The following INPP1 variants were observed in gnomAD, a reference collection of about 807,000 sequenced individuals.
The protein encoded by INPP1 is inositol polyphosphate 1-phosphatase.
A neutral mutation model predicts 23.0 loss-of-function variants in INPP1; 18 were observed. The ratio of observed to expected loss-of-function variants is 0.78; its 90% CI spans 0.54 to 1.16. The LOEUF (loss-of-function observed/expected upper bound fraction) is 1.16. Ranked by LOEUF, INPP1 falls within the 50% of genes most tolerant of loss-of-function variation. The pLI is 0.00. For missense variants in INPP1, 448 were observed against 482.1 expected, an observed-to-expected ratio of 0.93 and a Z score of 0.66; for synonymous variants, 164 against 176.3, an observed-to-expected ratio of 0.93 and a Z score of 0.55.
intron 2 of INPP1, 62 bp from the exon 3 acceptor site, chr2:190,359,977 C>T: frequency 1.1e-6 from 1 of 910,934 alleles, no homozygotes. Context: ...TTAGTAGTGC[C>T]AGAGGCACCC....
intron 2 of INPP1, among the ~76,000 whole-genome samples, chr2:190,358,366 T>C (rs1400106138): frequency 1.3e-5 from 2 of 152,016 alleles, no homozygotes; most frequent in Non-Finnish European, 2.9e-5. Context: ...CATGAGCCAC[T>C]GCGCCCAGTC....
intron 6 of INPP1, among the ~76,000 whole-genome samples, chr2:190,370,180 A>G (rs1187345395): frequency 2.0e-5 from 3 of 152,236 alleles, no homozygotes; most frequent in Non-Finnish European, 4.4e-5. Flanking sequence ...ACAGATTCAG[A>G]GTGAGACTTT....
At chr2:190,358,299 A>G (rs887728207) in intron 2 of INPP1, among the ~76,000 whole-genome samples, 1 of 150,980 alleles carries the variant, frequency 6.6e-6, no homozygotes, top group East Asian at 1.9e-4. Context: ...CTGGTTTTGA[A>G]CTCCTGACCT....
At position 190,354,877 on chromosome 2, in the gene INPP1, C is replaced by G. The variant is rs1689390022; in HGVS notation, c.-64-5162C>G. 6.7e-6 allele frequency among the ~76,000 whole-genome samples: 1 copy of G among 150,130 alleles called. No individual in the cohort carries two copies. The highest frequency in any genetic ancestry group is 1.5e-5 in the Non-Finnish European group (1 of 67,822). ...GTTTTTCTGAGAGTAAAAGGGAAGT[C>G]AAATAGTGACGTATAATGATCAAAC... is the stretch of plus-strand genomic sequence containing the variant. On this transcript the variant is annotated intron_variant, in intron 2 of 6. Coordinates refer to ENST00000392329, the MANE Select transcript of INPP1 (RefSeq NM_001128928.2). This position sits in a 1 kb window ranked among gnomAD's most constrained non-coding sequence, Gnocchi z 4.8.
intron 4 of INPP1, among the ~76,000 whole-genome samples, chr2:190,365,378 A>C (rs1361249285): frequency 1.3e-5 from 2 of 152,268 alleles, no homozygotes; most frequent in African/African-American, 4.8e-5. Flanking sequence ...AGTTAAAAGC[A>C]ATATCATATA....
rs765641528 is a variant in INPP1 at position 190,360,164 on chromosome 2, C to A, written c.62C>A (p.Ala21Glu). The A allele has an allele frequency of 1.9e-6, 3 of 1,613,856 alleles. No homozygotes were observed. In the African/African-American group the frequency reaches 4.0e-5, roughly 22 times the overall value. Residue 21 changes from alanine (A) to glutamate (E), a missense_variant, in exon 3 of 7, where the codon GCG (alanine) becomes GAG (glutamate). Transcript: ENST00000392329. ...GAGAAGGCTGCTAACATTGCCCGGG[C>A]GTGCAGACAGCAGGAAGCCCTCTTC... is the stretch of plus-strand genomic sequence containing the variant. ...VSEKAANIARACRQQEALFQL... is the reference protein window; with the variant it reads ...VSEKAANIARECRQQEALFQL...
Position 190,354,971 on chromosome 2 carries a change from A to G in INPP1, c.-64-5068A>G, listed in dbSNP as rs1179311165. On this transcript the variant is annotated intron_variant, in intron 2 of 6. Coordinates refer to ENST00000392329, the MANE Select transcript of INPP1 (RefSeq NM_001128928.2). The surrounding 1 kb of genome is among the most constrained non-coding windows in gnomAD (Gnocchi z 4.8). Reference sequence around the variant, plus strand: ...GCATTTTTTTTTTTTTTGCTATATAATGTACCTTATAATACTAATGTACTT... The same window carrying G: ...GCATTTTTTTTTTTTTTGCTATATAGTGTACCTTATAATACTAATGTACTT... Among the ~76,000 whole-genome samples, 2 of 136,030 alleles carry G rather than the reference A, an allele frequency of 1.5e-5. No individual in the cohort carries two copies. The highest frequency in any genetic ancestry group is 6.7e-5 in the African/African-American group (2 of 29,734). 89.2% of individuals were successfully genotyped at this position (136,030 alleles called of 152,430 possible).
At chr2:190,362,090 C>G (rs1198761056) in intron 3 of INPP1, among the ~76,000 whole-genome samples, 2 of 152,132 alleles carry the variant, frequency 1.3e-5, no homozygotes, top group Admixed American at 1.3e-4. Context: ...AAATCTTTCT[C>G]TTTTTTCATA....
chr2:190,366,326 ACT>A (rs1457751997), intron 4 of INPP1, among the ~76,000 whole-genome samples: 14 of 61,194 alleles, frequency 2.3e-4, no homozygotes, highest in African/African-American at 9.4e-4. Context: ...TCTCTGTCTC[ACT>A]CTCTCGCTCT....
At chr2:190,353,739 C>G (rs973805367) in intron 2 of INPP1, among the ~76,000 whole-genome samples, 4 of 152,296 alleles carry the variant, frequency 2.6e-5, no homozygotes, top group Non-Finnish European at 4.4e-5. Context: ...GTTTTGAACC[C>G]AGGCCTTTCT....
rs62182002 is a variant in INPP1 at position 190,352,116 on chromosome 2, A to C, written c.-65+3085A>C. The stretch of plus-strand genomic sequence containing the variant: ...GGATATCCTCCTGTATGAAGTGCCT[A>C]TTCAAGCTTCTTGCCCTTGAACTGA... On this transcript the variant is annotated intron_variant, in intron 2 of 6. Coordinates refer to ENST00000392329, the MANE Select transcript of INPP1 (RefSeq NM_001128928.2). The surrounding 1 kb of genome is among the most constrained non-coding windows in gnomAD (Gnocchi z 4.7). Among the ~76,000 whole-genome samples the C allele has an allele frequency of 3.3e-5, 5 of 152,278 alleles. No individual in the cohort carries two copies. Among genetic ancestry groups the C allele is most frequent in the African/African-American group, 1.2e-4 (5 of 41,554 alleles).
In INPP1 at chr2:190,354,118, T is replaced by C. The variant is rs538479889; in HGVS notation, c.-65+5087T>C. Among the ~76,000 whole-genome samples, 8 of 152,330 alleles carry C rather than the reference T, an allele frequency of 5.3e-5. No individual in the cohort carries two copies. The highest frequency in any genetic ancestry group is 5.2e-4 in the Admixed American group (8 of 15,304). ...CTGAAATGTGACTTGAAATAGATTG[T>C]TACAAAACAAGGCTTATGAGAGGTT... On this transcript the variant is annotated intron_variant, in intron 2 of 6. Coordinates refer to ENST00000392329, the MANE Select transcript of INPP1 (RefSeq NM_001128928.2). This position sits in a 1 kb window ranked among gnomAD's most constrained non-coding sequence, Gnocchi z 4.8.
At position 190,354,798 on chromosome 2, in the gene INPP1, C is replaced by G. The variant is rs1343263551; in HGVS notation, c.-64-5241C>G. ...ACATCAGTGGAACTTAATAGATGAGCTTTTACTACCCAGAAGGGTCCTTAA... is the reference window on the plus strand; with the variant it reads ...ACATCAGTGGAACTTAATAGATGAGGTTTTACTACCCAGAAGGGTCCTTAA... On this transcript the variant is annotated intron_variant, in intron 2 of 6. Transcript: ENST00000392329. The surrounding 1 kb of genome is among the most constrained non-coding windows in gnomAD (Gnocchi z 4.8). Among the ~76,000 whole-genome samples the G allele has an allele frequency of 6.6e-6, 1 of 152,158 alleles. No homozygotes were observed. Among genetic ancestry groups the G allele is most frequent in the Non-Finnish European group, 1.5e-5 (1 of 68,028 alleles).
rs142894446 is a variant in INPP1, at chr2:190,360,165, G to C, written c.63G>C (p.Ala21=). 6.2e-7 allele frequency: 1 copy of C among 1,614,164 alleles called. No individual in the cohort carries two copies. Among genetic ancestry groups the C allele is most frequent in the Non-Finnish European group, 8.5e-7 (1 of 1,180,038 alleles). The change falls in exon 3 of 7, where the codon GCG becomes GCC. Residue 21 remains alanine, a synonymous_variant. Transcript: ENST00000392329. ...AGAAGGCTGCTAACATTGCCCGGGC[G>C]TGCAGACAGCAGGAAGCCCTCTTCC... The part of the protein sequence containing the change: ...VSEKAANIAR[A]CRQQEALFQL...
intron 1 of INPP1, 114 bp downstream of exon 1, chr2:190,344,075 G>T: frequency 3.3e-6 from 1 of 307,384 alleles, no homozygotes. Flanking sequence ...CTCTCCGCGG[G>T]TAGGTGAGTC....
rs1559078602 is a variant in INPP1 at position 190,346,566 on chromosome 2, T to A, written c.-208-2322T>A. 6.6e-6 allele frequency among the ~76,000 whole-genome samples: 1 copy of A among 152,220 alleles called. No individual in the cohort carries two copies. The highest frequency in any genetic ancestry group is 1.5e-5 in the Non-Finnish European group (1 of 68,044). ...GATGACTAATGCAGATTACTGTAAC[T>A]AGTAATCCACAGCAAAATATTGTAC... On this transcript the variant is annotated intron_variant, in intron 1 of 6. Transcript: ENST00000392329. The surrounding 1 kb of genome is among the most constrained non-coding windows in gnomAD (Gnocchi z 5.1).
chr2:190,361,388 G>A (rs1689530698), intron 3 of INPP1, among the ~76,000 whole-genome samples: 1 of 151,826 alleles, frequency 6.6e-6, no homozygotes, highest in Non-Finnish European at 1.5e-5. Flanking sequence ...TCGTTTCAGT[G>A]AAATCTTGAC....
chr2:190,362,545 A>C, intron 3 of INPP1, 82 bp from the exon 4 acceptor site: 4 of 749,034 alleles, frequency 5.3e-6, no homozygotes, highest in Non-Finnish European at 8.5e-6. Context: ...ATTTAATTTG[A>C]AATATAAAAT....
intron 2 of INPP1, among the ~76,000 whole-genome samples, chr2:190,359,022 G>T (rs1048774420): frequency 6.6e-6 from 1 of 152,104 alleles, no homozygotes. Flanking sequence ...GTCTGAGGCT[G>T]GGCGCAGTGG....
Sources: allele counts gnomAD v4.1 joint callset (sites outside exome capture counted in the v4.1 genomes callset), GRCh38; gene constraint gnomAD v4.1.1; non-coding constraint Gnocchi (gnomAD v3.1); transcripts MANE v1.5; gene names NCBI Gene and HGNC (gene_info 2026-07-23, HGNC 2026-07-21).